EDDM13: variants seen among roughly 807,000 people sequenced by gnomAD.
EDDM13 encodes epididymal protein 13.
Under a neutral mutation model 17.8 loss-of-function variants are expected in EDDM13, and 24 were observed. The observed-to-expected ratio is 1.35, with a 90% CI of 0.98 to 1.90. EDDM13 has a LOEUF of 1.90. EDDM13 is among the 40% of genes most tolerant of loss of function. EDDM13 has a pLI of 0.00. For missense variants in EDDM13, 97 were observed against 100.8 expected, an observed-to-expected ratio of 0.96 and a Z score of 0.16; for synonymous variants, 31 against 37.5, an observed-to-expected ratio of 0.83 and a Z score of 0.63.
At chr19:56,301,757 C>G (rs1462773526) in intron 12 of EDDM13, among the ~76,000 whole-genome samples, 1 of 152,036 alleles carries the variant, frequency 6.6e-6, no homozygotes, top group African/African-American at 2.4e-5. Flanking sequence ...GGTGGGAGAG[C>G]CAAAAGGCAT....
intron 3 of EDDM13, 40 bp from the exon 4 acceptor site, chr19:56,282,451 A>G (rs1406289974): frequency 3.0e-6 from 3 of 983,956 alleles, no homozygotes. Flanking sequence ...CCCACTGGCT[A>G]CCATCGGTCC....
At chr19:56,283,817 T>C (rs948428758) in intron 4 of EDDM13, 6 of 152,122 alleles carry the variant, frequency 3.9e-5, no homozygotes, top group African/African-American at 1.4e-4. Flanking sequence ...AGGGCTGGTG[T>C]GGGGTAAATA....
chr19:56,279,239 C>T (rs11667369), intron 2 of EDDM13, among the ~76,000 whole-genome samples: 61,857 of 151,862 alleles, frequency 0.41, 13,842 homozygotes, highest in Non-Finnish European at 0.51. Context: ...GATGATACTT[C>T]GAGAATTTCT....
At chr19:56,303,653 A>G (rs972295556) in intron 13 of EDDM13, among the ~76,000 whole-genome samples, 3 of 152,024 alleles carry the variant, frequency 2.0e-5, no homozygotes, top group African/African-American at 4.8e-5. Context: ...GGACTCAGAG[A>G]AGAACGGAAC....
chr19:56,284,126 T>C (rs181273943), intron 4 of EDDM13, 72 bp from the exon 5 acceptor site: 1 of 984,526 alleles, frequency 1.0e-6, no homozygotes, highest in Admixed American at 6.1e-5. Context: ...TGTGACCTCT[T>C]GGGGACAACA....
chr19:56,285,148 CAT>C (rs975196785), intron 6 of EDDM13, 124 bp downstream of exon 6: 7 of 347,688 alleles, frequency 2.0e-5, no homozygotes, highest in Admixed American at 1.3e-4. Flanking sequence ...TATCCAAGCA[CAT>C]GTTTTGTTTG....
chr19:56,284,155 A>AC, intron 4 of EDDM13, 43 bp from the exon 5 acceptor site: 1 of 985,430 alleles, frequency 1.0e-6, no homozygotes, highest in Non-Finnish European at 1.2e-6. Flanking sequence ...CACGCATGTA[A>AC]CCTTGGCCAC....
chr19:56,302,591 C>T lies in EDDM13; in HGVS notation c.423+496C>T, dbSNP rs1480531840. Among the ~76,000 whole-genome samples, 12 of 41,554 alleles carry T rather than the reference C, an allele frequency of 2.9e-4. No homozygotes were observed. The South Asian group carries it at 0.011, about 37-fold the overall frequency. 27.3% of individuals were successfully genotyped at this position (41,554 alleles called of 152,430 possible). On this transcript the variant is annotated intron_variant, in intron 13 of 14. Coordinates refer to ENST00000649256, the MANE Select transcript of EDDM13 (RefSeq NM_001354658.2). ...TCCTTTTCTTCCTCCCCCTTTTCTT[C>T]CTCTCCCTCTTCTTCCTCTCCCTCT...
At chr19:56,275,880 GGAT>G (rs1432120352) in intron 1 of EDDM13, among the ~76,000 whole-genome samples, 3 of 152,364 alleles carry the variant, frequency 2.0e-5, no homozygotes, top group Admixed American at 2.0e-4. Flanking sequence ...TTGGTTGGAT[GGAT>G]GATGAACGAA....
At chr19:56,295,088 T>A (rs1374130066) in intron 9 of EDDM13, 2 of 152,166 alleles carry the variant, frequency 1.3e-5, no homozygotes, top group African/African-American at 2.4e-5. Flanking sequence ...GTTCTAAAAT[T>A]GTTTGTGGTG....
intron 14 of EDDM13, among the ~76,000 whole-genome samples, chr19:56,305,509 C>A (rs1456176688): frequency 2.0e-5 from 3 of 152,184 alleles, no homozygotes; most frequent in Non-Finnish European, 4.4e-5. Context: ...TTGCTCCCAC[C>A]TTTTGACTGT....
At chr19:56,276,056 C>T (rs1375701207) in intron 1 of EDDM13, among the ~76,000 whole-genome samples, 36 bp from the exon 2 acceptor site, 2 of 152,158 alleles carry the variant, frequency 1.3e-5, no homozygotes, top group Admixed American at 1.3e-4. Context: ...TCCCTGCTCC[C>T]GTTGTGAACT....
chr19:56,286,098 T>G (rs2039098293), intron 6 of EDDM13, among the ~76,000 whole-genome samples: 2 of 152,136 alleles, frequency 1.3e-5, no homozygotes, highest in Admixed American at 6.5e-5. Flanking sequence ...CTCAGCTCAT[T>G]GCAACCTCCG....
intron 14 of EDDM13, among the ~76,000 whole-genome samples, chr19:56,305,926 G>A (rs563847854): frequency 5.9e-5 from 9 of 151,456 alleles, no homozygotes; most frequent in Non-Finnish European, 1.5e-5. Flanking sequence ...CCCTGGGGTG[G>A]AAAGTGGCCT....
chr19:56,278,984 C>G (rs886616610), intron 2 of EDDM13, among the ~76,000 whole-genome samples: 2 of 152,318 alleles, frequency 1.3e-5, no homozygotes. Flanking sequence ...CAACTCACAC[C>G]CCAATATCCT....
chr19:56,274,445 C>A (rs1410919589), intron 1 of EDDM13: 1 of 137,950 alleles, frequency 7.2e-6, no homozygotes, highest in African/African-American at 2.7e-5. Context: ...CAGAGCAAGA[C>A]TCTGTTTCAA....
intron 2 of EDDM13, among the ~76,000 whole-genome samples, chr19:56,277,950 TAAATA>T (rs976426565): frequency 5.9e-5 from 9 of 152,162 alleles, no homozygotes; most frequent in African/African-American, 2.2e-4. Flanking sequence ...CATACTGACA[TAAATA>T]AAATGTTTTA....
intron 13 of EDDM13, among the ~76,000 whole-genome samples, chr19:56,304,143 A>G (rs1321481927): frequency 6.6e-6 from 1 of 152,190 alleles, no homozygotes; most frequent in African/African-American, 2.4e-5. Context: ...GGGAGCAGAC[A>G]GACTGAGAGG....
intron 12 of EDDM13, among the ~76,000 whole-genome samples, chr19:56,300,238 T>A (rs979391592): frequency 4.0e-5 from 6 of 151,782 alleles, no homozygotes; most frequent in Admixed American, 2.6e-4. Flanking sequence ...AAAAAAAAAA[T>A]TTCACCCTTT....
Sources: allele counts gnomAD v4.1 joint callset (sites outside exome capture counted in the v4.1 genomes callset), GRCh38; gene constraint gnomAD v4.1.1; transcripts MANE v1.5; gene names NCBI Gene and HGNC (gene_info 2026-07-23, HGNC 2026-07-21).